Variants in ZNF438 observed in about 807,000 individuals in gnomAD.
The protein encoded by ZNF438 is zinc finger protein 438.
ZNF438 carries 25 observed loss-of-function variants against 38.0 expected under a neutral mutation model. The ratio of observed to expected loss-of-function variants is 0.66; its 90% CI spans 0.48 to 0.92. The LOEUF (loss-of-function observed/expected upper bound fraction) is 0.92. Among genes scored for constraint, ZNF438 ranks in the 40% least tolerant of loss-of-function variants. The probability of loss-of-function intolerance (pLI) is 0.00; values close to 1 mark genes in which losing one functional copy is unlikely to be tolerated. For synonymous variants in ZNF438, 372 were observed against 364.1 expected, an observed-to-expected ratio of 1.02 and a Z score of -0.25; for missense variants, 1,007 against 999.6, an observed-to-expected ratio of 1.01 and a Z score of -0.10.
At chr10:30,936,785 T>C (rs2046303453) in intron 2 of ZNF438, among the ~76,000 whole-genome samples, 1 of 152,206 alleles carries the variant, frequency 6.6e-6, no homozygotes, top group African/African-American at 2.4e-5. Flanking sequence ...TATTAAAGAA[T>C]TGCCAAAAAA....
chr10:30,956,651 C>A (rs921166133), intron 1 of ZNF438, among the ~76,000 whole-genome samples: 4 of 152,156 alleles, frequency 2.6e-5, no homozygotes, highest in Non-Finnish European at 4.4e-5. Flanking sequence ...AAATGAGATG[C>A]CTGGCTTATT....
At chr10:31,008,220 A>G (rs1316191950) in intron 1 of ZNF438, among the ~76,000 whole-genome samples, 1 of 152,202 alleles carries the variant, frequency 6.6e-6, no homozygotes, top group East Asian at 1.9e-4. Flanking sequence ...AATAATAATA[A>G]TATCTTTTCA....
chr10:30,865,465 A>T (rs1455868846), intron 4 of ZNF438, among the ~76,000 whole-genome samples: 1 of 152,158 alleles, frequency 6.6e-6, no homozygotes, highest in Non-Finnish European at 1.5e-5. Context: ...AAAAAAAATG[A>T]CAAAGGTCTT....
rs537238386 is a variant in ZNF438 at position 30,887,200 on chromosome 10, C to T, written c.-31-10135G>A. Among the ~76,000 whole-genome samples the T allele has an allele frequency of 5.9e-5, 9 of 152,328 alleles. No individual in the cohort carries two copies. The East Asian group carries it at 1.5e-3, about 26-fold the overall frequency. On this transcript the variant is annotated intron_variant, in intron 3 of 5. Transcript: ENST00000413025. ...CCAGGGACCACTGAAATTATTCAAGCTAGCCAATGTTAAACAGCTTTTCAT... is the reference window on the plus strand; with the variant it reads ...CCAGGGACCACTGAAATTATTCAAGTTAGCCAATGTTAAACAGCTTTTCAT...
intron 1 of ZNF438, among the ~76,000 whole-genome samples, chr10:31,022,234 C>T (rs1039688150): frequency 2.8e-4 from 43 of 151,194 alleles, no homozygotes; most frequent in African/African-American, 1.0e-3. Context: ...GGCCTGCTGC[C>T]GCTCTGATCC....
At chr10:30,876,935 T>G (rs1588950512) in intron 4 of ZNF438, 63 bp downstream of exon 5, 9 of 1,317,838 alleles carry the variant, frequency 6.8e-6, no homozygotes, top group Admixed American at 5.9e-5. Flanking sequence ...GTCAATGACA[T>G]TCAATGTATC....
At chr10:30,850,145 C>A (rs1484492604) in exon 5 of ZNF438, 1 of 1,614,088 alleles carries the variant, frequency 6.2e-7, no homozygotes, top group Admixed American at 1.7e-5. Context: ...CCCCTCCTGG[C>A]CAGCAACCTG....
At chr10:31,004,777 CAGAA>C (rs1418057413) in intron 1 of ZNF438, among the ~76,000 whole-genome samples, 1 of 151,924 alleles carries the variant, frequency 6.6e-6, no homozygotes, top group Non-Finnish European at 1.5e-5. Context: ...GAACTGGTAA[CAGAA>C]AGGAAGTGAT....
rs376132673 is a variant in ZNF438 at position 30,977,535 on chromosome 10, T to C, written c.-191-35884A>G. ...AGGAAAAAAGAAAGTCTAGGGTAAGTGGCTTGTCTTAACAGAGGTGATCTT... is the reference window on the plus strand; with the variant it reads ...AGGAAAAAAGAAAGTCTAGGGTAAGCGGCTTGTCTTAACAGAGGTGATCTT... On this transcript the variant is annotated intron_variant, in intron 1 of 5. Coordinates refer to ENST00000413025, the Ensembl canonical transcript of ZNF438. Among the ~76,000 whole-genome samples, 70 of 152,250 alleles carry C rather than the reference T, an allele frequency of 4.6e-4. 1 individual carries two copies. The South Asian group carries it at 6.6e-3, about 14-fold the overall frequency.
chr10:30,995,700 A>T (rs1467415473), intron 1 of ZNF438, among the ~76,000 whole-genome samples: 1 of 152,242 alleles, frequency 6.6e-6, no homozygotes. Flanking sequence ...TTATTGGGCT[A>T]ACAACATTTA....
At chr10:30,921,871 A>C (rs1487920421) in intron 2 of ZNF438, among the ~76,000 whole-genome samples, 6 of 152,198 alleles carry the variant, frequency 3.9e-5, no homozygotes, top group African/African-American at 1.2e-4. Context: ...CTGGCAGCTA[A>C]GGCATCATGC....
intron 2 of ZNF438, among the ~76,000 whole-genome samples, chr10:30,924,108 A>G (rs2044634287): frequency 6.6e-6 from 1 of 152,222 alleles, no homozygotes; most frequent in South Asian, 2.1e-4. Context: ...TTTACTGTGG[A>G]AAAATCTTGC....
chr10:30,917,950 T>C (rs1329147279), intron 2 of ZNF438, among the ~76,000 whole-genome samples: 2 of 152,180 alleles, frequency 1.3e-5, no homozygotes, highest in African/African-American at 4.8e-5. Flanking sequence ...TATTTAGTAG[T>C]ATGATTCATC....
intron 1 of ZNF438, among the ~76,000 whole-genome samples, chr10:30,942,655 T>A (rs1161028577): frequency 1.3e-5 from 2 of 151,212 alleles, no homozygotes; most frequent in Non-Finnish European, 2.9e-5. Flanking sequence ...AACCATGAAC[T>A]TAAGAAATCA....
chr10:30,901,749 G>C (rs1031412309), intron 3 of ZNF438, among the ~76,000 whole-genome samples: 16 of 151,714 alleles, frequency 1.1e-4, no homozygotes, highest in African/African-American at 3.6e-4. Context: ...GTGGGTTCTT[G>C]GTCTCACTGA....
chr10:30,848,972 T>C (rs781493243), exon 5 of ZNF438: 5 of 1,614,158 alleles, frequency 3.1e-6, no homozygotes, highest in Non-Finnish European at 4.2e-6. Flanking sequence ...ACAGCCAAGA[T>C]ATTTAGGAGT....
intron 1 of ZNF438, among the ~76,000 whole-genome samples, chr10:30,968,081 G>A (rs752203057): frequency 2.4e-4 from 37 of 152,082 alleles, no homozygotes; most frequent in South Asian, 4.1e-4. Context: ...ATGCTGTTCC[G>A]CAAAACAGCC....
At chr10:30,879,437 A>T (rs1163249507) in intron 3 of ZNF438, among the ~76,000 whole-genome samples, 1 of 152,258 alleles carries the variant, frequency 6.6e-6, no homozygotes, top group African/African-American at 2.4e-5. Flanking sequence ...CAATAAAGTA[A>T]AATTCATAAT....
intron 4 of ZNF438, among the ~76,000 whole-genome samples, chr10:30,869,587 T>C (rs1325310109): frequency 6.6e-6 from 1 of 152,216 alleles, no homozygotes; most frequent in Admixed American, 6.5e-5. Flanking sequence ...CATGTGTGTG[T>C]TTTCCATTTG....
Sources: allele counts gnomAD v4.1 joint callset (sites outside exome capture counted in the v4.1 genomes callset), GRCh38; gene constraint gnomAD v4.1.1; transcripts MANE v1.5; gene names NCBI Gene and HGNC (gene_info 2026-07-23, HGNC 2026-07-21).